HIPK2: variants seen among roughly 807,000 people sequenced by gnomAD.
HIPK2 encodes the protein homeodomain-interacting protein kinase 2.
In HIPK2, 27 loss-of-function variants were observed where a neutral mutation model predicts 113.7. The ratio of observed to expected loss-of-function variants is 0.24; its 90% CI spans 0.17 to 0.33. The LOEUF (loss-of-function observed/expected upper bound fraction) is 0.33. Ranked by LOEUF, HIPK2 falls within the 10% of genes least tolerant of loss-of-function variation. HIPK2 has a pLI of 1.00. For missense variants in HIPK2, 1,257 were observed against 1,588.0 expected, an observed-to-expected ratio of 0.79 and a Z score of 3.54; for synonymous variants, 631 against 642.2, an observed-to-expected ratio of 0.98 and a Z score of 0.26.
rs10224408 is a variant in HIPK2, at chr7:139,715,924, G to A, written c.1103+8C>T. ...CAGCAGCTCCTGTCTCCTTGTGGAC[G>A]GTCTTACCTGTAATATCTGGACTGC... On this transcript the variant is annotated splice_region_variant and intron_variant, in intron 2 of 14. Transcript: ENST00000406875. 0.15 allele frequency: 246,637 copies of A among 1,608,238 alleles called. 19,614 individuals carry two copies. The highest frequency in any genetic ancestry group is 0.17 in the Admixed American group (10,311 of 59,716).
At chr7:139,610,557 T>G (rs946512647) in intron 9 of HIPK2, among the ~76,000 whole-genome samples, 1 of 152,228 alleles carries the variant, frequency 6.6e-6, no homozygotes, top group African/African-American at 2.4e-5. Context: ...GTTCTCTGTT[T>G]ACAAACTTTC....
intron 6 of HIPK2, among the ~76,000 whole-genome samples, chr7:139,625,960 G>A (rs10227549): frequency 0.2 from 30,206 of 152,020 alleles, 4,479 homozygotes; most frequent in African/African-American, 0.42. Context: ...AGAGACTACC[G>A]TTTCGGGCAC....
chr7:139,776,229 C>A (rs969772221), intron 1 of HIPK2, among the ~76,000 whole-genome samples: 1 of 152,058 alleles, frequency 6.6e-6, no homozygotes, highest in African/African-American at 2.4e-5. Flanking sequence ...AAGAGGAAAG[C>A]CCCTGGAATA....
chr7:139,611,522 C>T (rs972417937), intron 9 of HIPK2, among the ~76,000 whole-genome samples: 45 of 151,990 alleles, frequency 3.0e-4, no homozygotes, highest in Non-Finnish European at 6.2e-4. Flanking sequence ...AAAACTTAAA[C>T]ATGATAAAGT....
At chr7:139,637,351 C>T (rs1173546341) in intron 2 of HIPK2, among the ~76,000 whole-genome samples, 2 of 152,238 alleles carry the variant, frequency 1.3e-5, no homozygotes. Flanking sequence ...ACCCTGCCCA[C>T]CTCTCCACCA....
intron 1 of HIPK2, among the ~76,000 whole-genome samples, chr7:139,723,547 C>T (rs946251464): frequency 2.0e-5 from 3 of 152,162 alleles, no homozygotes; most frequent in Admixed American, 6.5e-5. Flanking sequence ...GCTCATTTAG[C>T]ATATTTTCCC....
rs985068417 is a variant in HIPK2, at chr7:139,631,639, C to A, written c.1190G>T (p.Gly397Val). 2 of 1,613,974 alleles carry A rather than the reference C, an allele frequency of 1.2e-6. No individual in the cohort carries two copies. Among genetic ancestry groups the A allele is most frequent in the Non-Finnish European group, 1.7e-6 (2 of 1,179,888 alleles). The change falls in exon 3 of 15, where the codon GGT becomes GTT. Residue 397 changes from glycine to valine, a missense_variant. Gly to Val is a moderately radical substitution (Grantham distance 109). Around this residue, in one of 5 missense-constraint regions of HIPK2, gnomAD observed 84 missense variants for 182.2 expected, o/e 0.46. Coordinates refer to ENST00000406875, the MANE Select transcript of HIPK2 (RefSeq NM_022740.5). This position sits in a 1 kb window ranked among gnomAD's most constrained non-coding sequence, Gnocchi z 4.9. ...LGCVIAELFL[G>V]WPLYPGASEY... ...CGAAGCTCCTGGATATAACGGCCAACCCAGGAACAATTCTGCAATAACACA... is the reference window on the plus strand; with the variant it reads ...CGAAGCTCCTGGATATAACGGCCAAACCAGGAACAATTCTGCAATAACACA...
chr7:139,587,719 A>C (rs984617616), intron 12 of HIPK2, among the ~76,000 whole-genome samples: 1 of 151,860 alleles, frequency 6.6e-6, no homozygotes, highest in Non-Finnish European at 1.5e-5. Context: ...CCTCTACAAA[A>C]ATAAAAACAT....
intron 1 of HIPK2, among the ~76,000 whole-genome samples, chr7:139,758,497 G>C (rs531455978): frequency 6.6e-6 from 1 of 152,018 alleles, no homozygotes; most frequent in Middle Eastern, 3.2e-3. Context: ...GCCCTGGCCC[G>C]GCCGCAGACT....
rs771375302 is a variant in HIPK2, at chr7:139,673,759, G to A, written c.1104-42034C>T. The stretch of plus-strand genomic sequence containing the variant: ...CCTAAGGAATGTTAAAAAATTTGCT[G>A]ACTTTGGACAGGGCGTGGTGGCTCA... On this transcript the variant is annotated intron_variant, in intron 2 of 14. Coordinates refer to ENST00000406875, the MANE Select transcript of HIPK2 (RefSeq NM_022740.5). Among the ~76,000 whole-genome samples the A allele has an allele frequency of 4.3e-4, 66 of 152,004 alleles. 1 individual carries two copies. Among genetic ancestry groups the A allele is most frequent in the Non-Finnish European group, 8.8e-4 (60 of 67,932 alleles).
chr7:139,583,727 A>G (rs1179267406), intron 13 of HIPK2, 90 bp downstream of exon 13: 1 of 1,539,664 alleles, frequency 6.5e-7, no homozygotes, highest in Admixed American at 2.0e-5. Flanking sequence ...CTATTGTACT[A>G]GCTCCCATAC....
chr7:139,657,257 G>A (rs1281848745), intron 2 of HIPK2, among the ~76,000 whole-genome samples: 1 of 152,200 alleles, frequency 6.6e-6, no homozygotes, highest in Non-Finnish European at 1.5e-5. Context: ...ACTGCACTGT[G>A]TCCACCTTGC....
rs562727868 is a variant in HIPK2, at chr7:139,638,818, C to T, written c.1104-7093G>A. 2.6e-5 allele frequency among the ~76,000 whole-genome samples: 4 copies of T among 152,092 alleles called. No homozygotes were observed. The East Asian group carries it at 5.8e-4, about 22-fold the overall frequency. On this transcript the variant is annotated intron_variant, in intron 2 of 14. Coordinates refer to ENST00000406875, the MANE Select transcript of HIPK2 (RefSeq NM_022740.5). ...GACTACAGGCGCCCACCACCATGCCCGGCTAATTTTTCGTATTTTTAGTAA... is the reference window on the plus strand; with the variant it reads ...GACTACAGGCGCCCACCACCATGCCTGGCTAATTTTTCGTATTTTTAGTAA...
At chr7:139,720,823 G>C (rs539007210) in intron 1 of HIPK2, among the ~76,000 whole-genome samples, 1 of 152,252 alleles carries the variant, frequency 6.6e-6, no homozygotes, top group African/African-American at 2.4e-5. Context: ...GAAATACGCT[G>C]TTCATACATA....
At chr7:139,770,684 T>C (rs1796635762) in intron 1 of HIPK2, among the ~76,000 whole-genome samples, 1 of 152,222 alleles carries the variant, frequency 6.6e-6, no homozygotes, top group Non-Finnish European at 1.5e-5. Context: ...CATATTAGGC[T>C]GCATTCTTTT....
intron 2 of HIPK2, among the ~76,000 whole-genome samples, chr7:139,648,413 C>CA (rs1007467089): frequency 2.6e-5 from 4 of 152,160 alleles, no homozygotes; most frequent in African/African-American, 9.7e-5. Flanking sequence ...ACTAGGGAGT[C>CA]ACAGTTCAGA....
chr7:139,635,026 G>C (rs1800760932), intron 2 of HIPK2, among the ~76,000 whole-genome samples: 1 of 152,156 alleles, frequency 6.6e-6, no homozygotes, highest in Non-Finnish European at 1.5e-5. Context: ...AAAGTATTAT[G>C]GTGTCAGAAC....
intron 2 of HIPK2, among the ~76,000 whole-genome samples, chr7:139,699,828 G>C (rs1395620694): frequency 1.3e-5 from 2 of 152,182 alleles, no homozygotes; most frequent in Admixed American, 6.5e-5. Context: ...CGCACGCCAG[G>C]GGTGTGCGGA....
chr7:139,689,186 G>A (rs1794324358), intron 2 of HIPK2, among the ~76,000 whole-genome samples: 1 of 152,164 alleles, frequency 6.6e-6, no homozygotes. Context: ...CCCAAGAGCT[G>A]GGGAAATGAA....
Sources: allele counts gnomAD v4.1 joint callset (sites outside exome capture counted in the v4.1 genomes callset), GRCh38; gene constraint gnomAD v4.1.1; regional missense constraint gnomAD v4.1.1; non-coding constraint Gnocchi (gnomAD v3.1); transcripts MANE v1.5; gene names NCBI Gene and HGNC (gene_info 2026-07-23, HGNC 2026-07-21).